The following SH3GL1 variants were observed in gnomAD, a reference collection of about 807,000 sequenced individuals.
SH3GL1 encodes the protein endophilin-A2.
SH3GL1 carries 21 observed loss-of-function variants against 48.8 expected under a neutral mutation model. The observed-to-expected ratio is 0.43, with a 90% confidence interval of 0.30 to 0.62. The LOEUF (loss-of-function observed/expected upper bound fraction) is 0.62. Ranked by LOEUF, SH3GL1 falls within the 20% of genes least tolerant of loss-of-function variation. The pLI, the probability that SH3GL1 is intolerant of heterozygous loss-of-function variation, is 0.11. For missense variants in SH3GL1, 454 were observed against 503.0 expected (o/e 0.90, Z 0.93); for synonymous variants, 282 against 217.5 (o/e 1.30, Z -2.61).
Position 4,389,468 on chromosome 19 carries a change from G to A in SH3GL1, c.45+10856C>T, listed in dbSNP as rs1951340364. 7.0e-6 allele frequency among the ~76,000 whole-genome samples: 1 copy of A among 142,056 alleles called. No homozygotes were observed. The highest frequency in any genetic ancestry group is 2.5e-5 in the African/African-American group (1 of 39,828). The allele number at this position is 142,056 out of a possible 152,430, so 93.2% of individuals were successfully genotyped here. On this transcript the variant is annotated intron_variant, in intron 1 of 9. Transcript: ENST00000269886. The surrounding 1 kb of genome is among the most constrained non-coding windows in gnomAD (Gnocchi z 4.5). ...TGGACAGGAGGCAGGAGAGTACAGG[G>A]CCCCACACAGGGTGGGCGGGAGGGA... is the stretch of plus-strand genomic sequence containing the variant.
intron 1 of SH3GL1, among the ~76,000 whole-genome samples, chr19:4,381,169 ACT>A (rs1232556235): frequency 1.3e-4 from 10 of 75,338 alleles, no homozygotes; most frequent in Admixed American, 3.7e-4. Context: ...GTCTCCCCTG[ACT>A]CTCTCTGTCC....
At chr19:4,365,319 A>C (rs1972750093) in intron 4 of SH3GL1, among the ~76,000 whole-genome samples, 163 bp downstream of exon 4, 1 of 152,012 alleles carries the variant, frequency 6.6e-6, no homozygotes, top group African/African-American at 2.4e-5. Context: ...CCAGTGCTGG[A>C]TGGGTTGGTC....
At chr19:4,390,623 AAAAGAACC>A (rs1973320055) in intron 1 of SH3GL1, 3 of 152,538 alleles carry the variant, frequency 2.0e-5, no homozygotes, top group Admixed American at 2.0e-4. Flanking sequence ...ACAGCTTCGA[AAAAGAACC>A]AGAAGAGACC....
intron 1 of SH3GL1, among the ~76,000 whole-genome samples, chr19:4,394,848 G>GC (rs1288415733): frequency 6.6e-6 from 1 of 152,220 alleles, no homozygotes; most frequent in Non-Finnish European, 1.5e-5. Context: ...TTCCTTTGCA[G>GC]CGGGGGGAAG....
rs574448511 is a variant in SH3GL1 at position 4,376,347 on chromosome 19, C to T, written c.46-9353G>A. ...AGGTGAAGGCACATTCCTCAGCGCC[C>T]GCTCACAGCTCTGCCCACCGTGCAT... On this transcript the variant is annotated intron_variant, in intron 1 of 9. Transcript: ENST00000269886. The surrounding 1 kb of genome is among the most constrained non-coding windows in gnomAD (Gnocchi z 4.3). Among the ~76,000 whole-genome samples the T allele has an allele frequency of 2.0e-5, 3 of 152,150 alleles. No homozygotes were observed. Among genetic ancestry groups the T allele is most frequent in the Non-Finnish European group, 2.9e-5 (2 of 68,026 alleles).
intron 1 of SH3GL1, among the ~76,000 whole-genome samples, chr19:4,383,086 T>C (rs892733397): frequency 6.6e-6 from 1 of 152,062 alleles, no homozygotes; most frequent in Non-Finnish European, 1.5e-5. Context: ...GCCTGGCTAA[T>C]TTTGTATTTT....
At chr19:4,397,930 T>A (rs1049595124) in intron 1 of SH3GL1, among the ~76,000 whole-genome samples, 2 of 152,192 alleles carry the variant, frequency 1.3e-5, no homozygotes, top group Admixed American at 1.3e-4. Context: ...CACTGCAGCC[T>A]TGAACTGCTG....
intron 9 of SH3GL1, 131 bp downstream of exon 9, chr19:4,362,198 G>T: frequency 2.1e-6 from 2 of 934,648 alleles, no homozygotes; most frequent in Non-Finnish European, 3.4e-6. Context: ...TGGGGCCTGT[G>T]CCCCCTACTG....
chr19:4,378,047 A>G (rs1200593135), intron 1 of SH3GL1, among the ~76,000 whole-genome samples: 1 of 152,104 alleles, frequency 6.6e-6, no homozygotes, highest in East Asian at 1.9e-4. Context: ...TCTGTCCTCA[A>G]ACACAAGCTT....
chr19:4,361,717 G>T lies in SH3GL1; in HGVS notation c.990C>A (p.Gly330=), dbSNP rs147712071. ...TCTGGTTGGTCAGCGTGATGACGTCGCCCTCATGGAAGCCCAGCTCCCCGT... is the reference window on the plus strand; with the variant it reads ...TCTGGTTGGTCAGCGTGATGACGTCTCCCTCATGGAAGCCCAGCTCCCCGT... The part of the protein sequence containing the change: ...ENDGELGFHE[G]DVITLTNQID... Residue 330 remains glycine (G), a synonymous_variant, in exon 10 of 10, where the codon GGC becomes GGA. Coordinates refer to ENST00000269886, the MANE Select transcript of SH3GL1 (RefSeq NM_003025.4). 2 of 1,613,124 alleles carry T rather than the reference G, an allele frequency of 1.2e-6. No homozygotes were observed. Among genetic ancestry groups the T allele is most frequent in the East Asian group, 2.2e-5 (1 of 44,874 alleles).
chr19:4,386,501 C>CTTTTT lies in SH3GL1; in HGVS notation c.45+13818_45+13822dup, dbSNP rs960946256. On this transcript the variant is annotated intron_variant, in intron 1 of 9. Transcript: ENST00000269886. Reference sequence around the variant, plus strand: ...CTTTTTTTTTTTTATTTCTTTTTCACTTTTTTTTTTTTTTTTTTGGAGAAC... The same window carrying CTTTTT: ...CTTTTTTTTTTTTATTTCTTTTTCACTTTTTTTTTTTTTTTTTTTTTTTGGAGAAC... Among the ~76,000 whole-genome samples the CTTTTT allele has an allele frequency of 1.9e-4, 25 of 130,804 alleles. No homozygotes were observed. The South Asian group carries it at 5.1e-3, about 27-fold the overall frequency. 85.8% of individuals were successfully genotyped at this position (130,804 alleles called of 152,430 possible).
rs1972609270 is a variant in SH3GL1, at chr19:4,361,490, C to T, written c.*110G>A. ...CTCAAGGGCCGGGGCCCAGGTGGCG[C>T]CGGCAGGCTCAGACACCGCCCTGGC... On this transcript the variant is annotated 3_prime_UTR_variant, in exon 10 of 10. Transcript: ENST00000269886. 3 of 829,724 alleles carry T rather than the reference C, an allele frequency of 3.6e-6. No homozygotes were observed. Among genetic ancestry groups the T allele is most frequent in the African/African-American group, 1.7e-5 (1 of 58,956 alleles). 51.4% of individuals were successfully genotyped at this position (829,724 alleles called of 1,614,324 possible). A position where few individuals can be genotyped will look rare whatever the true frequency, so the allele number is the denominator to read the frequency against.
At chr19:4,377,144 A>G (rs939401422) in intron 1 of SH3GL1, among the ~76,000 whole-genome samples, 5 of 152,212 alleles carry the variant, frequency 3.3e-5, no homozygotes, top group Non-Finnish European at 7.4e-5. Flanking sequence ...ACAAAACGTG[A>G]GCTAGGCAGG....
At chr19:4,399,319 C>CAAAA (rs58263818) in intron 1 of SH3GL1, among the ~76,000 whole-genome samples, 1,655 of 49,550 alleles carry the variant, frequency 0.033, 161 homozygotes, top group African/African-American at 0.1. Context: ...GACTCCCTCT[C>CAAAA]AAAAAAAAAA....
chr19:4,390,763 A>G (rs916489194), intron 1 of SH3GL1, among the ~76,000 whole-genome samples: 3 of 151,418 alleles, frequency 2.0e-5, no homozygotes, highest in African/African-American at 7.3e-5. Flanking sequence ...CCCCGGGGCA[A>G]TGCTTCCCCT....
chr19:4,365,782 C>T (rs895832179), intron 3 of SH3GL1, among the ~76,000 whole-genome samples, 157 bp from the exon 4 acceptor site: 5 of 152,210 alleles, frequency 3.3e-5, no homozygotes, highest in African/African-American at 1.2e-4. Context: ...GGGTCCCTTC[C>T]CTGCTCCTGC....
Position 4,376,596 on chromosome 19 carries a change from C to T in SH3GL1, c.46-9602G>A, listed in dbSNP as rs1343235367. Among the ~76,000 whole-genome samples, 1 of 152,020 alleles carries T rather than the reference C, an allele frequency of 6.6e-6. No individual in the cohort carries two copies. The highest frequency in any genetic ancestry group is 1.5e-5 in the Non-Finnish European group (1 of 67,996). ...ATGCCTCCTCTCTCGTGCGCCTGCCCCTTCACACTTCATCTTACACCCCCA... is the reference window on the plus strand; with the variant it reads ...ATGCCTCCTCTCTCGTGCGCCTGCCTCTTCACACTTCATCTTACACCCCCA... On this transcript the variant is annotated intron_variant, in intron 1 of 9. Coordinates refer to ENST00000269886, the MANE Select transcript of SH3GL1 (RefSeq NM_003025.4). The surrounding 1 kb of genome is among the most constrained non-coding windows in gnomAD (Gnocchi z 4.3).
intron 1 of SH3GL1, among the ~76,000 whole-genome samples, chr19:4,370,551 G>A (rs1283849830): frequency 7.2e-5 from 11 of 152,166 alleles, no homozygotes; most frequent in South Asian, 2.1e-4. Flanking sequence ...CCACCTGGAC[G>A]GGGTCAGAGT....
At chr19:4,363,662 C>T in intron 6 of SH3GL1, 58 bp downstream of exon 6, 1 of 1,603,640 alleles carries the variant, frequency 6.2e-7, no homozygotes, top group Non-Finnish European at 8.5e-7. Context: ...CTTGAGGCAC[C>T]ACCCCGGCCT....
Sources: gnomAD v4.1 joint callset for allele counts (sites outside exome capture counted in the v4.1 genomes callset) on GRCh38, gnomAD v4.1.1 for gene constraint, Gnocchi (gnomAD v3.1) non-coding constraint, MANE v1.5 for transcripts, NCBI Gene and HGNC (gene_info 2026-07-23, HGNC 2026-07-21) for gene names.